The following ABCC9 variants were observed in gnomAD, a reference collection of about 807,000 sequenced individuals.
ABCC9 encodes the protein ATP-binding cassette sub-family C member 9.
Under a neutral mutation model 188.3 loss-of-function variants are expected in ABCC9, and 95 were observed. The observed-to-expected ratio is 0.50, with a 90% CI of 0.43 to 0.60. The LOEUF (loss-of-function observed/expected upper bound fraction) is 0.60, where lower values mean the gene tolerates loss of function less well. ABCC9 is among the 20% of genes least tolerant of loss of function. The probability of loss-of-function intolerance (pLI) is 0.00; values close to 1 mark genes in which losing one functional copy is unlikely to be tolerated. For synonymous variants in ABCC9, 659 were observed against 652.7 expected, an observed-to-expected ratio of 1.01 and a Z score of -0.15; for missense variants, 1,102 against 1,876.3, an observed-to-expected ratio of 0.59 and a Z score of 7.62.
intron 16 of ABCC9, among the ~76,000 whole-genome samples, chr12:21,877,441 G>A (rs1276872516): frequency 6.6e-6 from 1 of 152,188 alleles, no homozygotes; most frequent in African/African-American, 2.4e-5. Flanking sequence ...AAATATGTCA[G>A]AGGAAATGAT....
chr12:21,807,812 G>C (rs1356630942), intron 37 of ABCC9, among the ~76,000 whole-genome samples: 1 of 152,106 alleles, frequency 6.6e-6, no homozygotes, highest in Non-Finnish European at 1.5e-5. Context: ...GGCCCAGAGA[G>C]CTGAAATGGC....
chr12:21,844,968 T>C, intron 26 of ABCC9, 53 bp from the exon 27 acceptor site: 1 of 1,594,508 alleles, frequency 6.3e-7, no homozygotes. Flanking sequence ...TGGAGTTCTT[T>C]CTTACTAGAA....
intron 17 of ABCC9, 61 bp downstream of exon 17, chr12:21,875,593 C>A: frequency 2.4e-6 from 3 of 1,246,440 alleles, no homozygotes; most frequent in Non-Finnish European, 3.5e-6. Context: ...GCTCAATTAT[C>A]TTGGAAAACT....
In ABCC9 at chr12:21,906,113, A is replaced by T. The variant is rs1354035842; in HGVS notation, c.1618+13T>A. 6.2e-7 allele frequency: 1 copy of T among 1,612,626 alleles called. No individual in the cohort carries two copies. Among genetic ancestry groups the T allele is most frequent in the East Asian group, 2.2e-5 (1 of 44,838 alleles). The stretch of plus-strand genomic sequence containing the variant: ...CCTTAAAGTCGCCTGTTCTTAGAGC[A>T]ACAGCAACTTACTGGAGAGTGATGT... On this transcript the variant is annotated intron_variant, in intron 12 of 39. Coordinates refer to ENST00000261200, the MANE Select transcript of ABCC9 (RefSeq NM_020297.4).
chr12:21,915,476 ATATGTGTG>A (rs1157964360), intron 7 of ABCC9, among the ~76,000 whole-genome samples, 184 bp downstream of exon 7: 205 of 8,118 alleles, frequency 0.025, 24 homozygotes, highest in East Asian at 0.04. Context: ...GTGTGTGTAT[ATATGTGTG>A]TGTGTGTGTG....
chr12:21,857,219 G>T (rs1211239494), intron 22 of ABCC9, among the ~76,000 whole-genome samples: 1 of 152,066 alleles, frequency 6.6e-6, no homozygotes, highest in Non-Finnish European at 1.5e-5. Flanking sequence ...TTTTCAAAGG[G>T]ACACTTATAT....
chr12:21,861,973 G>A (rs1194971377), intron 20 of ABCC9, among the ~76,000 whole-genome samples: 1 of 152,000 alleles, frequency 6.6e-6, no homozygotes, highest in East Asian at 1.9e-4. Context: ...GGAAGCATGG[G>A]GATTGAAGAT....
intron 39 of ABCC9, 75 bp from the exon 40 acceptor site, chr12:21,801,256 C>A: frequency 6.3e-7 from 1 of 1,582,116 alleles, no homozygotes; most frequent in Non-Finnish European, 8.6e-7. Context: ...ATGTATATTT[C>A]ATGAATTATT....
Position 21,872,577 on chromosome 12 carries a change from T to A in ABCC9, c.2198+48A>T, listed in dbSNP as rs1002726801. The A allele has an allele frequency of 5.9e-6, 8 of 1,357,310 alleles. No individual in the cohort carries two copies. In the African/African-American group the frequency reaches 1.1e-4, roughly 19 times the overall value. The allele number at this position is 1,357,310 out of a possible 1,614,324, so 84.1% of individuals were successfully genotyped here. On this transcript the variant is annotated intron_variant, in intron 18 of 39. Transcript: ENST00000261200. ...TGTCTAAGTTCTTTCCTTGGAAGAT[T>A]ATCAGATGTATGACATAGCAATGGA...
intron 36 of ABCC9, 53 bp downstream of exon 36, chr12:21,811,996 G>T: frequency 2.3e-6 from 3 of 1,295,842 alleles, no homozygotes; most frequent in Non-Finnish European, 3.4e-6. Flanking sequence ...ACCTTTCTAT[G>T]AGTCAAAGGC....
chr12:21,915,296 A>ATG (rs1565480592), intron 7 of ABCC9, among the ~76,000 whole-genome samples: 2 of 134,162 alleles, frequency 1.5e-5, no homozygotes, highest in Non-Finnish European at 3.2e-5. Context: ...GTATATATAC[A>ATG]TGTGTATATA....
At chr12:21,819,305 T>C (rs1014342697) in intron 31 of ABCC9, among the ~76,000 whole-genome samples, 1 of 152,208 alleles carries the variant, frequency 6.6e-6, no homozygotes, top group African/African-American at 2.4e-5. Flanking sequence ...TAGATAGATT[T>C]GTCTCTGGTG....
chr12:21,850,047 G>C (rs1439392487), intron 24 of ABCC9, among the ~76,000 whole-genome samples: 1 of 151,618 alleles, frequency 6.6e-6, no homozygotes, highest in African/African-American at 2.4e-5. Context: ...TGCTTGATCT[G>C]TTCTGGCTCT....
rs201358406 is a variant in ABCC9, at chr12:21,844,499, G to C, written c.3299C>G (p.Thr1100Ser). 1.2e-6 allele frequency: 2 copies of C among 1,613,478 alleles called. No individual in the cohort carries two copies. Among genetic ancestry groups the C allele is most frequent in the East Asian group, 4.5e-5 (2 of 44,836 alleles). ...GLILNRFSAD[T>S]NIIDQHIPPT... ...GTTACTCACCTGATCAATGATATTA[G>C]TATCAGCTGAAAAGCGATTGAGAAT... Residue 1100 changes from threonine to serine, a missense_variant, in exon 28 of 40, where the codon ACT (threonine) becomes AGT (serine). Transcript: ENST00000261200.
intron 16 of ABCC9, among the ~76,000 whole-genome samples, chr12:21,882,004 T>G (rs2544443): frequency 1 from 151,698 of 152,268 alleles, 75,567 homozygotes; most frequent in Middle Eastern, 1. Context: ...GCTATTGTGG[T>G]AAGGTATTGT....
intron 13 of ABCC9, among the ~76,000 whole-genome samples, chr12:21,895,056 A>T (rs2137745981): frequency 6.6e-6 from 1 of 152,338 alleles, no homozygotes; most frequent in Middle Eastern, 3.4e-3. Flanking sequence ...CAAACGTCCT[A>T]ACACAGAGGG....
intron 18 of ABCC9, 44 bp from the exon 19 acceptor site, chr12:21,864,521 T>C: frequency 7.2e-7 from 1 of 1,395,368 alleles, no homozygotes; most frequent in Non-Finnish European, 1.0e-6. Flanking sequence ...GAAGTAGAAA[T>C]ATAGAACCAA....
intron 2 of ABCC9, chr12:21,938,135 A>G (rs140171055): frequency 6.6e-6 from 1 of 152,302 alleles, no homozygotes; most frequent in African/African-American, 2.4e-5. Flanking sequence ...ATTATTAGAG[A>G]AATCAAATTT....
intron 39 of ABCC9, among the ~76,000 whole-genome samples, chr12:21,804,366 T>C (rs760537034): frequency 3.9e-5 from 6 of 152,050 alleles, no homozygotes; most frequent in Non-Finnish European, 7.4e-5. Context: ...GTAGGGAAAA[T>C]TCTTCTTTTG....
Sources: allele counts gnomAD v4.1 joint callset (sites outside exome capture counted in the v4.1 genomes callset), GRCh38; gene constraint gnomAD v4.1.1; transcripts MANE v1.5; gene names NCBI Gene and HGNC (gene_info 2026-07-23, HGNC 2026-07-21).